The following DENND2C variants were observed in gnomAD, a reference collection of about 807,000 sequenced individuals.
DENND2C encodes DENN domain containing 2C, also known as DENN domain-containing protein 2C.
Under a neutral mutation model 112.4 loss-of-function variants are expected in DENND2C, and 72 were observed. That is an observed-to-expected ratio of 0.64 (90% CI 0.53 to 0.78). The LOEUF (loss-of-function observed/expected upper bound fraction) is 0.78, where lower values mean the gene tolerates loss of function less well. Among genes scored for constraint, DENND2C ranks in the 30% least tolerant of loss-of-function variants. DENND2C has a pLI of 0.00. For missense variants in DENND2C, 992 were observed against 1,113.8 expected (o/e 0.89, Z 1.56); for synonymous variants, 329 against 381.6 (o/e 0.86, Z 1.61).
intron 3 of DENND2C, among the ~76,000 whole-genome samples, chr1:114,637,000 T>A (rs1311670595): frequency 5.3e-5 from 8 of 151,746 alleles, no homozygotes; most frequent in African/African-American, 1.9e-4. Flanking sequence ...ATCCCAGCAC[T>A]TTGGGAGGTC....
At chr1:114,658,456 G>C (rs1351983359) in intron 1 of DENND2C, among the ~76,000 whole-genome samples, 3 of 151,988 alleles carry the variant, frequency 2.0e-5, no homozygotes, top group Non-Finnish European at 4.4e-5. Context: ...TTTGGTAAGA[G>C]GGCATTAAAT....
At chr1:114,661,416 A>G (rs1276150284) in intron 1 of DENND2C, among the ~76,000 whole-genome samples, 1 of 152,226 alleles carries the variant, frequency 6.6e-6, no homozygotes, top group Non-Finnish European at 1.5e-5. Flanking sequence ...TGCCACTGAT[A>G]CACAACTAAA....
intron 3 of DENND2C, among the ~76,000 whole-genome samples, chr1:114,638,786 AAAG>A (rs1002879941): frequency 4.0e-5 from 6 of 151,206 alleles, no homozygotes; most frequent in African/African-American, 4.8e-5. Flanking sequence ...AAAAGAGAAA[AAAG>A]AAAAAAAAAG....
chr1:114,668,537 A>ACC (rs928542736), intron 1 of DENND2C, among the ~76,000 whole-genome samples: 4 of 151,582 alleles, frequency 2.6e-5, no homozygotes, highest in Non-Finnish European at 5.9e-5. Flanking sequence ...ACACACACAC[A>ACC]CACACACACA....
intron 18 of DENND2C, among the ~76,000 whole-genome samples, 196 bp downstream of exon 18, chr1:114,594,277 C>A (rs192676817): frequency 5.3e-5 from 8 of 152,294 alleles, no homozygotes; most frequent in Admixed American, 5.2e-4. Flanking sequence ...ATAAATGTAA[C>A]TGAGCAAGTG....
chr1:114,615,584 G>A (rs897548316), intron 8 of DENND2C, among the ~76,000 whole-genome samples: 1 of 152,168 alleles, frequency 6.6e-6, no homozygotes, highest in African/African-American at 2.4e-5. Flanking sequence ...ATGACCAAAA[G>A]TATTTCTTCC....
At chr1:114,622,966 C>T in intron 6 of DENND2C, 21 bp downstream of exon 6, 1 of 1,551,228 alleles carries the variant, frequency 6.4e-7, no homozygotes, top group Non-Finnish European at 8.8e-7. Flanking sequence ...ATGTTTTCTT[C>T]AATTCATTAT....
intron 7 of DENND2C, among the ~76,000 whole-genome samples, chr1:114,621,405 A>G (rs1327482553): frequency 2.0e-5 from 3 of 152,230 alleles, no homozygotes; most frequent in Non-Finnish European, 4.4e-5. Flanking sequence ...TTTATTTATT[A>G]TGATTGCTGA....
intron 11 of DENND2C, 82 bp from the exon 12 acceptor site, chr1:114,602,276 A>C: frequency 2.9e-6 from 4 of 1,374,476 alleles, no homozygotes; most frequent in Non-Finnish European, 4.1e-6. Context: ...TGAAAACTAG[A>C]GTCCAACAGT....
chr1:114,648,079 A>AT (rs1160099023), intron 2 of DENND2C, among the ~76,000 whole-genome samples: 2 of 152,240 alleles, frequency 1.3e-5, no homozygotes, highest in Non-Finnish European at 2.9e-5. Flanking sequence ...AAGTGCTGGG[A>AT]TTACAGGCGT....
intron 8 of DENND2C, among the ~76,000 whole-genome samples, chr1:114,611,949 T>G (rs1036607703): frequency 6.6e-6 from 1 of 152,116 alleles, no homozygotes; most frequent in Non-Finnish European, 1.5e-5. Flanking sequence ...TGTATCTAAT[T>G]TAAAAATCAG....
At chr1:114,655,348 TG>T (rs1290478811) in intron 1 of DENND2C, among the ~76,000 whole-genome samples, 2 of 152,200 alleles carry the variant, frequency 1.3e-5, no homozygotes, top group Non-Finnish European at 2.9e-5. Context: ...TATTACTAAA[TG>T]AGATTATTGA....
At chr1:114,605,279 A>C (rs1416141044) in intron 10 of DENND2C, among the ~76,000 whole-genome samples, 2 of 152,260 alleles carry the variant, frequency 1.3e-5, no homozygotes, top group Non-Finnish European at 2.9e-5. Context: ...GTATCTGTGG[A>C]TATCTCAGCA....
At chr1:114,600,768 G>GT (rs748665870) in intron 14 of DENND2C, 52 bp downstream of exon 14, 7 of 1,585,756 alleles carry the variant, frequency 4.4e-6, no homozygotes, top group Middle Eastern at 1.7e-4. Context: ...GCCTACTAGT[G>GT]TAAGTCCTGC....
At chr1:114,650,767 T>C (rs1230603638) in intron 2 of DENND2C, among the ~76,000 whole-genome samples, 1 of 152,156 alleles carries the variant, frequency 6.6e-6, no homozygotes, top group Non-Finnish European at 1.5e-5. Flanking sequence ...AATGTAACTT[T>C]CTATTTCATT....
At chr1:114,590,949 C>A (rs779672500) in intron 18 of DENND2C, among the ~76,000 whole-genome samples, 10 of 151,484 alleles carry the variant, frequency 6.6e-5, no homozygotes, top group Non-Finnish European at 1.5e-4. Context: ...ACATTCTTAC[C>A]AACACTTGAT....
At position 114,618,491 on chromosome 1, in the gene DENND2C, A is replaced by G. The variant is rs1487660958; in HGVS notation, c.1228-9T>C. 2 of 1,527,012 alleles carry G rather than the reference A, an allele frequency of 1.3e-6. No homozygotes were observed. Among genetic ancestry groups the G allele is most frequent in the African/African-American group, 2.8e-5 (2 of 71,548 alleles). The allele number at this position is 1,527,012 out of a possible 1,614,324, so 94.6% of individuals were successfully genotyped here. ...TCTATTTTCAATACAAGCTGAAAAA[A>G]GACCAGAAAAATACAAATTAAGACC... is the stretch of plus-strand genomic sequence containing the variant. On this transcript the variant is annotated splice_polypyrimidine_tract_variant and intron_variant, in intron 7 of 20. Transcript: ENST00000393274.
At chr1:114,631,197 G>A (rs555027452) in intron 3 of DENND2C, among the ~76,000 whole-genome samples, 1 of 151,658 alleles carries the variant, frequency 6.6e-6, no homozygotes, top group African/African-American at 2.4e-5. Context: ...CAAACATGGC[G>A]AAACCCCATC....
At chr1:114,636,475 G>C (rs1656658780) in intron 3 of DENND2C, among the ~76,000 whole-genome samples, 1 of 152,144 alleles carries the variant, frequency 6.6e-6, no homozygotes, top group Non-Finnish European at 1.5e-5. Flanking sequence ...AGACCATCGT[G>C]GGCAAAGTGG....
Sources: allele counts gnomAD v4.1 joint callset (sites outside exome capture counted in the v4.1 genomes callset), GRCh38; gene constraint gnomAD v4.1.1; transcripts MANE v1.5; gene names NCBI Gene and HGNC (gene_info 2026-07-23, HGNC 2026-07-21).